TRAK1: variants seen among roughly 807,000 people sequenced by gnomAD.
The protein encoded by TRAK1 is trafficking kinesin-binding protein 1.
Under a neutral mutation model 92.1 loss-of-function variants are expected in TRAK1, and 33 were observed. The ratio of observed to expected loss-of-function variants is 0.36; its 90% CI spans 0.27 to 0.48. The LOEUF (loss-of-function observed/expected upper bound fraction) is 0.48, where lower values mean the gene tolerates loss of function less well. Ranked by LOEUF, TRAK1 falls within the 20% of genes least tolerant of loss-of-function variation. The pLI, the probability that TRAK1 is intolerant of heterozygous loss-of-function variation, is 0.99. For missense variants in TRAK1, 1,123 were observed against 1,257.9 expected (o/e 0.89, Z 1.62); for synonymous variants, 521 against 517.3 (o/e 1.01, Z -0.10).
chr3:42,196,534 T>C (rs537229937), intron 10 of TRAK1, among the ~76,000 whole-genome samples: 130 of 138,148 alleles, frequency 9.4e-4, no homozygotes, highest in African/African-American at 2.4e-3. Flanking sequence ...TCTTTTTCTC[T>C]TCTTCTTTTT....
At chr3:42,026,518 T>G (rs1701923261) in intron 1 of TRAK1, among the ~76,000 whole-genome samples, 1 of 148,252 alleles carries the variant, frequency 6.7e-6, no homozygotes, top group Non-Finnish European at 1.5e-5. Context: ...AAGAGATCAG[T>G]GATCTCTTTT....
chr3:42,105,539 C>CT, intron 1 of TRAK1, among the ~76,000 whole-genome samples: 1 of 152,210 alleles, frequency 6.6e-6, no homozygotes, highest in East Asian at 1.9e-4. Context: ...AAATCTACGT[C>CT]TGATTGGTGT....
chr3:42,097,566 C>G (rs761967553), intron 1 of TRAK1, among the ~76,000 whole-genome samples: 2 of 152,154 alleles, frequency 1.3e-5, no homozygotes, highest in Non-Finnish European at 2.9e-5. Context: ...TTTTTATTGT[C>G]TTTTCTGTGA....
chr3:42,217,162 G>A (rs548290589), intron 14 of TRAK1: 16 of 773,236 alleles, frequency 2.1e-5, no homozygotes, highest in African/African-American at 8.0e-5. Context: ...GAATCAGCCC[G>A]TTGCTTCTCT....
At chr3:42,013,638 C>T (rs1399760626), upstream of TRAK1, among the ~76,000 whole-genome samples, 1 of 148,408 alleles carries the variant, frequency 6.7e-6, no homozygotes, top group Admixed American at 6.7e-5. The surrounding 1 kb of genome is among the most constrained non-coding windows in gnomAD (Gnocchi z 5.1). Context: ...AGGTGCAAGC[C>T]GCCCGCTCGC....
chr3:42,127,347 CTTTTTTTTTTT>C (rs71741232), intron 2 of TRAK1, among the ~76,000 whole-genome samples: 101 of 127,832 alleles, frequency 7.9e-4, no homozygotes, highest in African/African-American at 3.0e-3. Flanking sequence ...CATTCATACA[CTTTTTTTTTTT>C]TTTTTTTTGG....
At chr3:42,046,360 C>G (rs2148908016) in intron 1 of TRAK1, among the ~76,000 whole-genome samples, 2 of 150,370 alleles carry the variant, frequency 1.3e-5, no homozygotes, top group East Asian at 3.9e-4. Context: ...AAAGACCACA[C>G]ATAATTTTTA....
At chr3:42,072,624 G>A (rs1703985751) in intron 1 of TRAK1, among the ~76,000 whole-genome samples, 1 of 151,886 alleles carries the variant, frequency 6.6e-6, no homozygotes, top group South Asian at 2.1e-4. Flanking sequence ...AGGCAGCGTG[G>A]TTTGGGATTT....
At chr3:42,208,109 C>T (rs1342743584) in intron 13 of TRAK1, among the ~76,000 whole-genome samples, 3 of 152,120 alleles carry the variant, frequency 2.0e-5, no homozygotes, top group African/African-American at 7.2e-5. Context: ...CATCTTAGCA[C>T]CTAGTGAGAG....
chr3:42,021,245 T>C (rs1029022397), intron 1 of TRAK1, among the ~76,000 whole-genome samples: 2 of 152,184 alleles, frequency 1.3e-5, no homozygotes, highest in Non-Finnish European at 2.9e-5. Flanking sequence ...GCTTTCTTAG[T>C]AGAGAATAAA....
intron 1 of TRAK1, among the ~76,000 whole-genome samples, chr3:42,114,611 C>G (rs528532066): frequency 1.3e-5 from 2 of 152,322 alleles, no homozygotes; most frequent in East Asian, 3.9e-4. Flanking sequence ...AACACTAGTT[C>G]AGTTGTGAGC....
intron 9 of TRAK1, among the ~76,000 whole-genome samples, chr3:42,194,312 A>G (rs910358863): frequency 2.0e-5 from 3 of 152,050 alleles, no homozygotes; most frequent in African/African-American, 7.3e-5. Context: ...TGGCATGAGC[A>G]TGGCTCACCG....
rs776871313 is a variant in TRAK1 at position 42,199,205 on chromosome 3, C to T, written c.1142C>T (p.Thr381Met). 8.1e-6 allele frequency: 13 copies of T among 1,613,762 alleles called. No homozygotes were observed. Among genetic ancestry groups the T allele is most frequent in the South Asian group, 5.5e-5 (5 of 91,058 alleles). ...TCCTTGGCAGCAGAGATTGAGGGAA[C>T]GATGCGCAAGGAGCTGCAGTTGGAA... is the stretch of plus-strand genomic sequence containing the variant. ...MDSLAAEIEG[T>M]MRKELQLEEA... The change falls in exon 11 of 16, where the codon ACG (threonine) becomes ATG (methionine). Residue 381 changes from threonine (T) to methionine (M), a missense_variant. Thr to Met is a moderately conservative substitution (Grantham distance 81). This residue lies in a region of TRAK1 where 686 missense variants were observed against 747.6 expected (regional missense o/e 0.92). Coordinates refer to ENST00000327628, the MANE Select transcript of TRAK1 (RefSeq NM_001042646.3).
intron 1 of TRAK1, among the ~76,000 whole-genome samples, chr3:42,110,132 A>ATATATATATATATATATATATATAT (rs58099544): frequency 1.3e-4 from 17 of 128,188 alleles, no homozygotes; most frequent in African/African-American, 1.8e-4. Context: ...ATATATATAT[A>ATATATATATATATATATATATATAT]AACTTTGTGT....
chr3:42,082,437 A>G (rs1416383635), upstream of TRAK1, among the ~76,000 whole-genome samples: 5 of 97,822 alleles, frequency 5.1e-5, no homozygotes, highest in Non-Finnish European at 9.1e-5. Flanking sequence ...CGTCTTTATC[A>G]AAAATAAAAA....
At chr3:42,061,757 T>C (rs1029072881) in intron 1 of TRAK1, among the ~76,000 whole-genome samples, 4 of 152,200 alleles carry the variant, frequency 2.6e-5, no homozygotes, top group Admixed American at 6.5e-5. Context: ...CAACAATATA[T>C]ACCAGTTTAT....
Position 42,223,677 on chromosome 3 carries a change from G to A in TRAK1, c.2802G>A (p.Val934=). The A allele has an allele frequency of 1.9e-6, 3 of 1,614,004 alleles. No homozygotes were observed. The highest frequency in any genetic ancestry group is 2.5e-6 in the Non-Finnish European group (3 of 1,179,924). ...VGSSMQMKAP[V]TLTSGILMGA... ...CTAGCATGCAGATGAAAGCTCCTGT[G>A]ACTCTCACCTCGGGCATCTTGATGG... The change falls in exon 16 of 16, where the codon GTG becomes GTA. Residue 934 remains valine, a synonymous_variant. Transcript: ENST00000327628. The surrounding 1 kb of genome is among the most constrained non-coding windows in gnomAD (Gnocchi z 6.1).
intron 8 of TRAK1, 95 bp from the exon 9 acceptor site, chr3:42,193,729 A>G (rs1018870477): frequency 1.6e-6 from 2 of 1,234,120 alleles, no homozygotes; most frequent in South Asian, 1.2e-5. Flanking sequence ...CCTTGTAGAA[A>G]GTGATGAGTT....
intron 1 of TRAK1, among the ~76,000 whole-genome samples, chr3:42,025,139 A>G (rs1701866133): frequency 6.6e-6 from 1 of 152,206 alleles, no homozygotes; most frequent in African/African-American, 2.4e-5. Context: ...TTCTTTGTTT[A>G]CGTCCTCCCT....
Sources: allele counts gnomAD v4.1 joint callset (sites outside exome capture counted in the v4.1 genomes callset), GRCh38; gene constraint gnomAD v4.1.1; regional missense constraint gnomAD v4.1.1; non-coding constraint Gnocchi (gnomAD v3.1); transcripts MANE v1.5; gene names NCBI Gene and HGNC (gene_info 2026-07-23, HGNC 2026-07-21).